Variants in HNF4G observed in about 807,000 individuals in gnomAD.
HNF4G encodes hepatocyte nuclear factor 4-gamma.
In HNF4G, 21 loss-of-function variants were observed where a neutral mutation model predicts 50.9. That is an observed-to-expected ratio of 0.41 (90% CI 0.29 to 0.59). The LOEUF (loss-of-function observed/expected upper bound fraction) is 0.59. HNF4G is among the 20% of genes least tolerant of loss of function. HNF4G has a pLI of 0.26. For synonymous variants in HNF4G, 198 were observed against 185.6 expected, an observed-to-expected ratio of 1.07 and a Z score of -0.54; for missense variants, 527 against 559.4, an observed-to-expected ratio of 0.94 and a Z score of 0.58.
chr8:75,558,457 T>C, intron 6 of HNF4G, 61 bp from the exon 7 acceptor site: 1 of 1,514,828 alleles, frequency 6.6e-7, no homozygotes, highest in Non-Finnish European at 9.0e-7. Context: ...TAAACAGTGC[T>C]GACAATTTGG....
intron 2 of HNF4G, among the ~76,000 whole-genome samples, chr8:75,510,889 A>T (rs1805733119): frequency 6.6e-6 from 1 of 152,122 alleles, no homozygotes; most frequent in African/African-American, 2.4e-5. Context: ...TTAAAATTTA[A>T]CACGGTATTT....
intron 5 of HNF4G, 54 bp from the exon 6 acceptor site, chr8:75,555,928 C>G: frequency 1.0e-6 from 1 of 1,003,254 alleles, no homozygotes; most frequent in Non-Finnish European, 1.5e-6. Flanking sequence ...CTCATGTCAT[C>G]TTTTAATCAT....
intron 1 of HNF4G, among the ~76,000 whole-genome samples, chr8:75,449,644 C>A (rs556214837): frequency 6.6e-6 from 1 of 151,292 alleles, no homozygotes; most frequent in African/African-American, 2.4e-5. Flanking sequence ...GTAGCTGGGA[C>A]TACAGGCTCC....
intron 1 of HNF4G, among the ~76,000 whole-genome samples, chr8:75,437,612 G>C (rs919825331): frequency 2.0e-5 from 3 of 151,928 alleles, no homozygotes; most frequent in African/African-American, 7.3e-5. Context: ...GAGGTGCAGG[G>C]TGCAGTGAGC....
intron 1 of HNF4G, among the ~76,000 whole-genome samples, chr8:75,431,223 A>C (rs549301993): frequency 6.6e-6 from 1 of 152,268 alleles, no homozygotes; most frequent in African/African-American, 2.4e-5. Context: ...AGAGGACAGA[A>C]AGAGAAATTG....
intron 1 of HNF4G, among the ~76,000 whole-genome samples, chr8:75,430,474 T>TAGAGAGAGAGAGAGAGAGAG (rs66481707): frequency 2.2e-5 from 3 of 136,114 alleles, no homozygotes; most frequent in African/African-American, 8.3e-5. Flanking sequence ...GGGTAGGGAG[T>TAGAGAGAGAGAGAGAGAGAG]AGAGAGAGAG....
At chr8:75,421,368 G>A (rs754015790) in intron 1 of HNF4G, among the ~76,000 whole-genome samples, 2 of 152,046 alleles carry the variant, frequency 1.3e-5, no homozygotes, top group Non-Finnish European at 2.9e-5. Context: ...TTTATCATCT[G>A]GGATGACTTT....
intron 1 of HNF4G, among the ~76,000 whole-genome samples, chr8:75,448,703 A>G (rs1003828824): frequency 1.3e-5 from 2 of 151,950 alleles, no homozygotes; most frequent in Non-Finnish European, 2.9e-5. Context: ...TTTTTAAAAA[A>G]CACCTAAAAG....
intron 1 of HNF4G, among the ~76,000 whole-genome samples, chr8:75,421,251 C>T (rs147621767): frequency 2.0e-5 from 3 of 152,318 alleles, no homozygotes; most frequent in African/African-American, 7.2e-5. Context: ...ATCTCACTTT[C>T]TCGCAGTCAC....
chr8:75,416,253 A>T (rs2130474721), intron 1 of HNF4G, among the ~76,000 whole-genome samples: 1 of 152,306 alleles, frequency 6.6e-6, no homozygotes, highest in African/African-American at 2.4e-5. Context: ...TGTCTTGCTC[A>T]GGGCTCTGCC....
chr8:75,449,548 C>G (rs1467120705), intron 1 of HNF4G, among the ~76,000 whole-genome samples: 1 of 144,224 alleles, frequency 6.9e-6, no homozygotes, highest in Non-Finnish European at 1.5e-5. Flanking sequence ...ACTCTGTCGC[C>G]CAGGCTGTAG....
intron 1 of HNF4G, among the ~76,000 whole-genome samples, chr8:75,419,953 A>G (rs560524439): frequency 6.6e-6 from 1 of 152,334 alleles, no homozygotes; most frequent in Admixed American, 6.5e-5. Context: ...CAGTTGAACA[A>G]CATATATAAG....
intron 1 of HNF4G, among the ~76,000 whole-genome samples, chr8:75,414,457 T>A (rs1174436697): frequency 2.0e-5 from 3 of 152,148 alleles, no homozygotes; most frequent in Non-Finnish European, 2.9e-5. Context: ...TATATACCCA[T>A]GAAATCACCA....
At chr8:75,540,610 T>C (rs1786069224) in intron 1 of HNF4G, among the ~76,000 whole-genome samples, 2 of 152,144 alleles carry the variant, frequency 1.3e-5, no homozygotes, top group South Asian at 2.1e-4. Context: ...ATAAGGCTTG[T>C]ATTATAACCT....
At chr8:75,435,792 C>T (rs1811121899) in intron 1 of HNF4G, among the ~76,000 whole-genome samples, 1 of 152,040 alleles carries the variant, frequency 6.6e-6, no homozygotes, top group South Asian at 2.1e-4. Flanking sequence ...CGGGGTTTCT[C>T]CATGTTAGCT....
chr8:75,511,082 T>G (rs994124836), intron 2 of HNF4G, among the ~76,000 whole-genome samples: 2 of 152,104 alleles, frequency 1.3e-5, no homozygotes, highest in Non-Finnish European at 2.9e-5. Flanking sequence ...TTTTCTGTTC[T>G]GAGACAATAA....
intron 1 of HNF4G, among the ~76,000 whole-genome samples, chr8:75,421,374 A>G (rs73341172): frequency 0.013 from 2,009 of 152,252 alleles, 40 homozygotes; most frequent in African/African-American, 0.046. Flanking sequence ...ATCTGGGATG[A>G]CTTTTTATTC....
intron 1 of HNF4G, among the ~76,000 whole-genome samples, chr8:75,472,043 A>G (rs972937494): frequency 6.6e-6 from 1 of 152,148 alleles, no homozygotes; most frequent in Admixed American, 6.5e-5. Context: ...AAGGTGACAT[A>G]TATGCTGATT....
At chr8:75,513,442 C>G (rs1207150040) in intron 2 of HNF4G, among the ~76,000 whole-genome samples, 1 of 152,120 alleles carries the variant, frequency 6.6e-6, no homozygotes, top group African/African-American at 2.4e-5. Flanking sequence ...AATTTGAGTT[C>G]AATTTGTTTA....
Sources: gnomAD v4.1 joint callset for allele counts (sites outside exome capture counted in the v4.1 genomes callset) on GRCh38, gnomAD v4.1.1 for gene constraint, MANE v1.5 for transcripts, NCBI Gene and HGNC (gene_info 2026-07-23, HGNC 2026-07-21) for gene names.